The following SLC25A13 variants were observed in gnomAD, a reference collection of about 807,000 sequenced individuals.
SLC25A13 encodes the protein electrogenic aspartate/glutamate antiporter SLC25A13, mitochondrial.
Under a neutral mutation model 85.5 loss-of-function variants are expected in SLC25A13, and 70 were observed. The ratio of observed to expected loss-of-function variants is 0.82; its 90% CI spans 0.68 to 1.00. SLC25A13 has a LOEUF of 1.00. SLC25A13 is among the 50% of genes least tolerant of loss of function. The probability of loss-of-function intolerance (pLI) is 0.00; values close to 1 mark genes in which losing one functional copy is unlikely to be tolerated. For synonymous variants in SLC25A13, 259 were observed against 288.7 expected (o/e 0.90, Z 1.04); for missense variants, 765 against 819.8 (o/e 0.93, Z 0.82).
At chr7:96,288,495 G>A (rs1178956827) in intron 2 of SLC25A13, among the ~76,000 whole-genome samples, 1 of 152,220 alleles carries the variant, frequency 6.6e-6, no homozygotes, top group East Asian at 1.9e-4. Flanking sequence ...GGAAGCGCAA[G>A]GGGTCAGGGA....
At chr7:96,146,474 T>A (rs895181126) in intron 14 of SLC25A13, 82 bp downstream of exon 14, 15 of 1,546,944 alleles carry the variant, frequency 9.7e-6, no homozygotes, top group Non-Finnish European at 1.3e-5. Flanking sequence ...CAAAAAAAAA[T>A]GGATTTCATG....
chr7:96,288,714 G>T (rs1199719241), intron 2 of SLC25A13, among the ~76,000 whole-genome samples: 1 of 152,158 alleles, frequency 6.6e-6, no homozygotes, highest in South Asian at 2.1e-4. Flanking sequence ...TGGCAGTGAG[G>T]CTGGGGGAGG....
chr7:96,234,947 G>A lies in SLC25A13; in HGVS notation c.213-30C>T, dbSNP rs974426884. The A allele has an allele frequency of 3.2e-6, 5 of 1,550,376 alleles. No homozygotes were observed. In the African/African-American group the frequency reaches 6.8e-5, roughly 21 times the overall value. ...AACATAAAACAAACATAAAGCAAAA[G>A]TCAGTAGCTTGTGGAAAACAGAAGC... On this transcript the variant is annotated intron_variant, in intron 3 of 17. Coordinates refer to ENST00000265631, the MANE Select transcript of SLC25A13 (RefSeq NM_014251.3).
At position 96,205,691 on chromosome 7, in the gene SLC25A13, T is replaced by C. The variant is rs567556527; in HGVS notation, c.468+3147A>G. ...TCGAATTGATTTACCACTTGCAAAG[T>C]ACAAATCAGTCAAGTTTAGCTCAAA... On this transcript the variant is annotated intron_variant, in intron 5 of 17. Coordinates refer to ENST00000265631, the MANE Select transcript of SLC25A13 (RefSeq NM_014251.3). Among the ~76,000 whole-genome samples, 26 of 152,304 alleles carry C rather than the reference T, an allele frequency of 1.7e-4. No individual in the cohort carries two copies. The South Asian group carries it at 5.4e-3, about 32-fold the overall frequency.
At chr7:96,272,439 C>A (rs1798277918) in intron 3 of SLC25A13, among the ~76,000 whole-genome samples, 2 of 152,160 alleles carry the variant, frequency 1.3e-5, no homozygotes, top group South Asian at 4.1e-4. Context: ...GTCAGAGAAG[C>A]AGTAACACCC....
At chr7:96,220,591 T>C (rs1041100200) in intron 4 of SLC25A13, among the ~76,000 whole-genome samples, 1 of 152,328 alleles carries the variant, frequency 6.6e-6, no homozygotes, top group Admixed American at 6.5e-5. Flanking sequence ...CTCTCTCTTA[T>C]ACCAGAAGAA....
intron 11 of SLC25A13, among the ~76,000 whole-genome samples, chr7:96,175,816 A>G (rs1172321057): frequency 1.3e-5 from 2 of 152,244 alleles, no homozygotes; most frequent in African/African-American, 4.8e-5. Context: ...AAGGTAATAT[A>G]TTAGAGGCCC....
chr7:96,146,459 A>C (rs1792792993), intron 14 of SLC25A13, 97 bp downstream of exon 14: 1 of 1,511,932 alleles, frequency 6.6e-7, no homozygotes. Flanking sequence ...CCAGGTGTAG[A>C]AATGCAAAAA....
At chr7:96,225,717 C>T (rs1796306958) in intron 4 of SLC25A13, among the ~76,000 whole-genome samples, 1 of 152,248 alleles carries the variant, frequency 6.6e-6, no homozygotes, top group Admixed American at 6.5e-5. Context: ...AAGCCCATAT[C>T]ATGCCAGTTC....
intron 5 of SLC25A13, among the ~76,000 whole-genome samples, chr7:96,201,787 G>A (rs148531673): frequency 1.3e-3 from 200 of 152,284 alleles, no homozygotes; most frequent in African/African-American, 4.5e-3. Flanking sequence ...GGTGGTGGTT[G>A]GGCGGGGGTA....
chr7:96,209,411 A>AACAAGT (rs927520579), intron 4 of SLC25A13, among the ~76,000 whole-genome samples: 2 of 149,972 alleles, frequency 1.3e-5, no homozygotes, highest in Admixed American at 6.7e-5. Context: ...TATAGCCTTT[A>AACAAGT]ACAAGTTATT....
Position 96,121,905 on chromosome 7 carries a change from C to T in SLC25A13, c.1684G>A (p.Val562Met), listed in dbSNP as rs758317710. 3 of 1,614,046 alleles carry T rather than the reference C, an allele frequency of 1.9e-6. No homozygotes were observed. In the Admixed American group the frequency reaches 5.0e-5, roughly 27 times the overall value. The change falls in exon 16 of 18, where the codon GTG (valine) becomes ATG (methionine). Residue 562 changes from valine to methionine, a missense_variant. Physicochemically the swap from Val to Met is conservative, Grantham distance 21. Coordinates refer to ENST00000265631, the MANE Select transcript of SLC25A13 (RefSeq NM_014251.3). ...ARAGQTTYSGVIDCFRKILRE... is the reference protein window; with the variant it reads ...ARAGQTTYSGMIDCFRKILRE... The stretch of plus-strand genomic sequence containing the variant: ...AGTATCTTTCTAAAGCAGTCTATCA[C>T]TCCGCTGTAAGTGGTTTGGCCAGCC...
At chr7:96,296,359 T>A (rs1205876415) in intron 2 of SLC25A13, among the ~76,000 whole-genome samples, 1 of 152,156 alleles carries the variant, frequency 6.6e-6, no homozygotes, top group Non-Finnish European at 1.5e-5. Context: ...TTTATTCACA[T>A]ACCTTACACC....
At chr7:96,209,353 T>TACACATACACAC (rs141546528) in intron 4 of SLC25A13, among the ~76,000 whole-genome samples, 1 of 145,444 alleles carries the variant, frequency 6.9e-6, no homozygotes, top group African/African-American at 2.6e-5. Context: ...GGAAAACACA[T>TACACATACACAC]ACACACACAC....
Position 96,206,053 on chromosome 7 carries a change from C to T in SLC25A13, c.468+2785G>A, listed in dbSNP as rs1466638104. Among the ~76,000 whole-genome samples the T allele has an allele frequency of 2.0e-5, 3 of 152,148 alleles. No individual in the cohort carries two copies. The East Asian group carries it at 5.8e-4, about 29-fold the overall frequency. ...ATGTGCTGGCCGGAACCAACCTGAG[C>T]TATCTTCTAGGGACCCTCAGTGGAA... is the stretch of plus-strand genomic sequence containing the variant. On this transcript the variant is annotated intron_variant, in intron 5 of 17. Coordinates refer to ENST00000265631, the MANE Select transcript of SLC25A13 (RefSeq NM_014251.3).
In SLC25A13 at chr7:96,243,756, C is replaced by T. The variant is rs369719043; in HGVS notation, c.213-8839G>A. The stretch of plus-strand genomic sequence containing the variant: ...ATGTGAGGAGAAACATCAGTGCCAG[C>T]GCCCAAAGCAGGCCACCCTTGTTAA... On this transcript the variant is annotated intron_variant, in intron 3 of 17. Transcript: ENST00000265631. Among the ~76,000 whole-genome samples the T allele has an allele frequency of 8.5e-5, 13 of 152,150 alleles. No homozygotes were observed. In the South Asian group the frequency reaches 2.5e-3, roughly 29 times the overall value.
chr7:96,275,508 G>A (rs1798413946), intron 3 of SLC25A13, among the ~76,000 whole-genome samples: 1 of 152,136 alleles, frequency 6.6e-6, no homozygotes, highest in Non-Finnish European at 1.5e-5. Context: ...ATGATAGACT[G>A]GATTAAGAAA....
chr7:96,311,786 G>C (rs1201510692), intron 1 of SLC25A13, among the ~76,000 whole-genome samples: 1 of 151,924 alleles, frequency 6.6e-6, no homozygotes, highest in East Asian at 1.9e-4. Context: ...GAAATGAAAA[G>C]AAGTATTTCT....
chr7:96,268,921 C>A (rs1478974981), intron 3 of SLC25A13, among the ~76,000 whole-genome samples: 1 of 152,222 alleles, frequency 6.6e-6, no homozygotes, highest in African/African-American at 2.4e-5. Context: ...CCAACTCCTG[C>A]AACTCAGATG....
Sources: allele counts gnomAD v4.1 joint callset (sites outside exome capture counted in the v4.1 genomes callset), GRCh38; gene constraint gnomAD v4.1.1; transcripts MANE v1.5; gene names NCBI Gene and HGNC (gene_info 2026-07-23, HGNC 2026-07-21).